Variants in DPP10 observed in about 807,000 individuals in gnomAD.
DPP10 encodes inactive dipeptidyl peptidase 10.
Under a neutral mutation model 120.9 loss-of-function variants are expected in DPP10, and 33 were observed. That is an observed-to-expected ratio of 0.27 (90% confidence interval 0.21 to 0.37). The LOEUF (loss-of-function observed/expected upper bound fraction) is 0.37. Among genes scored for constraint, DPP10 ranks in the 10% least tolerant of loss-of-function variants. The probability of loss-of-function intolerance (pLI) is 1.00; values close to 1 mark genes in which losing one functional copy is unlikely to be tolerated. For synonymous variants in DPP10, 337 were observed against 326.1 expected, an observed-to-expected ratio of 1.03 and a Z score of -0.36; for missense variants, 816 against 942.8, an observed-to-expected ratio of 0.87 and a Z score of 1.76.
intron 1 of DPP10, among the ~76,000 whole-genome samples, chr2:115,061,947 T>A (rs1706443166): frequency 6.6e-6 from 1 of 152,088 alleles, no homozygotes; most frequent in Non-Finnish European, 1.5e-5. Flanking sequence ...TTAAAATTGT[T>A]TTTTTTCCCT....
intron 5 of DPP10, among the ~76,000 whole-genome samples, chr2:115,532,432 T>G (rs2078526714): frequency 6.6e-6 from 1 of 152,076 alleles, no homozygotes; most frequent in Non-Finnish European, 1.5e-5. Flanking sequence ...TAACTGTGTA[T>G]TTTCCTATTT....
chr2:115,718,850 A>G (rs563595127), intron 7 of DPP10, among the ~76,000 whole-genome samples: 1 of 152,282 alleles, frequency 6.6e-6, no homozygotes, highest in South Asian at 2.1e-4. Context: ...GAAAAGTGAA[A>G]AAGGAGAAAG....
chr2:115,247,063 A>T (rs569269501), intron 1 of DPP10, among the ~76,000 whole-genome samples: 19 of 152,276 alleles, frequency 1.2e-4, no homozygotes, highest in African/African-American at 4.1e-4. Flanking sequence ...ATGAGGAGAA[A>T]TGCTTACATT....
intron 1 of DPP10, among the ~76,000 whole-genome samples, chr2:114,798,638 C>A (rs1683918442): frequency 6.6e-6 from 1 of 151,942 alleles, no homozygotes; most frequent in African/African-American, 2.4e-5. Context: ...GGGCAGGCAC[C>A]CTTAAAGGGC....
At chr2:115,001,362 A>G (rs1413977043) in intron 1 of DPP10, among the ~76,000 whole-genome samples, 2 of 152,356 alleles carry the variant, frequency 1.3e-5, no homozygotes, top group East Asian at 3.9e-4. Context: ...TCATGTTAAG[A>G]GCCCTCAATA....
At chr2:114,978,807 G>A (rs1017951923) in intron 1 of DPP10, among the ~76,000 whole-genome samples, 3 of 152,014 alleles carry the variant, frequency 2.0e-5, no homozygotes, top group Admixed American at 6.6e-5. Context: ...CTCACTAAAG[G>A]CAAATACTTT....
intron 1 of DPP10, among the ~76,000 whole-genome samples, chr2:114,713,644 A>G (rs549466739): frequency 2.0e-5 from 3 of 152,248 alleles, no homozygotes; most frequent in Middle Eastern, 3.4e-3. Context: ...CACTCAAGAA[A>G]TGTTTGCTTG....
At chr2:115,189,385 T>C (rs1186308733) in intron 1 of DPP10, among the ~76,000 whole-genome samples, 1 of 152,078 alleles carries the variant, frequency 6.6e-6, no homozygotes, top group Non-Finnish European at 1.5e-5. Flanking sequence ...AAGGGGTGAC[T>C]CAGGTCAAAG....
At chr2:114,581,582 C>A (rs1690531629) in intron 1 of DPP10, among the ~76,000 whole-genome samples, 2 of 152,148 alleles carry the variant, frequency 1.3e-5, no homozygotes, top group African/African-American at 4.8e-5. Flanking sequence ...CCAGGTTTTT[C>A]TGTGTTAAGC....
At chr2:115,260,624 G>C (rs2059210889) in intron 1 of DPP10, among the ~76,000 whole-genome samples, 1 of 152,132 alleles carries the variant, frequency 6.6e-6, no homozygotes, top group Non-Finnish European at 1.5e-5. Context: ...TTAAATTTTA[G>C]AAAACTGGAC....
At chr2:115,169,860 A>T (rs934729370) in intron 1 of DPP10, among the ~76,000 whole-genome samples, 1 of 152,206 alleles carries the variant, frequency 6.6e-6, no homozygotes, top group African/African-American at 2.4e-5. Context: ...TCAGATTATA[A>T]AAGATAGCAA....
chr2:114,886,109 A>G lies in DPP10; in HGVS notation c.61-423130A>G, dbSNP rs180912948. Among the ~76,000 whole-genome samples, 252 of 152,330 alleles carry G rather than the reference A, an allele frequency of 1.7e-3. 3 individuals carry two copies. The South Asian group carries it at 0.022, about 13-fold the overall frequency. On this transcript the variant is annotated intron_variant, in intron 1 of 25. Transcript: ENST00000410059. Reference sequence around the variant, plus strand: ...AATGATCTTACTTTTGGACAAATTTAAAACAACACTGAGGGGAGATGAAAT... The same window carrying G: ...AATGATCTTACTTTTGGACAAATTTGAAACAACACTGAGGGGAGATGAAAT...
At chr2:115,154,034 A>G (rs2051736794) in intron 1 of DPP10, among the ~76,000 whole-genome samples, 2 of 152,216 alleles carry the variant, frequency 1.3e-5, no homozygotes, top group Admixed American at 1.3e-4. Context: ...GAGGATGTAA[A>G]GCAAAAATAA....
At chr2:115,730,821 A>G (rs1272923566) in intron 8 of DPP10, among the ~76,000 whole-genome samples, 1 of 152,176 alleles carries the variant, frequency 6.6e-6, no homozygotes, top group East Asian at 1.9e-4. Context: ...GGAAAGGAAA[A>G]AGTATAGTTT....
intron 3 of DPP10, among the ~76,000 whole-genome samples, chr2:115,445,178 G>GAA (rs750111116): frequency 5.9e-5 from 9 of 152,166 alleles, no homozygotes; most frequent in Non-Finnish European, 1.0e-4. Flanking sequence ...CAGCCATGCA[G>GAA]AACTGTGAGT....
rs949516706 is a variant in DPP10, at chr2:115,703,065, C to T, written c.576+13144C>T. ...AGTATACTTATCTATAATTGTATCACGAAGAATGGAATAATTTCAAAAATC... is the reference window on the plus strand; with the variant it reads ...AGTATACTTATCTATAATTGTATCATGAAGAATGGAATAATTTCAAAAATC... On this transcript the variant is annotated intron_variant, in intron 7 of 25. Coordinates refer to ENST00000410059, the MANE Select transcript of DPP10 (RefSeq NM_020868.6). 1.1e-4 allele frequency among the ~76,000 whole-genome samples: 16 copies of T among 151,646 alleles called. 1 individual carries two copies. Among genetic ancestry groups the T allele is most frequent in the African/African-American group, 3.1e-4 (13 of 41,280 alleles).
At chr2:114,698,304 G>A (rs538128906) in intron 1 of DPP10, among the ~76,000 whole-genome samples, 1 of 152,126 alleles carries the variant, frequency 6.6e-6, no homozygotes, top group South Asian at 2.1e-4. Flanking sequence ...CTTGCCTGGA[G>A]CTAGGAGAAT....
In DPP10 at chr2:114,964,279, A is replaced by G. The variant is rs72943797; in HGVS notation, c.61-344960A>G. 5.1e-3 allele frequency among the ~76,000 whole-genome samples: 778 copies of G among 152,284 alleles called. 7 individuals are homozygous for G. The highest frequency in any genetic ancestry group is 0.017 in the African/African-American group (725 of 41,544). ...TCTTCTTTTCTTACATTCAACAAAT[A>G]TTTCATGAGCATCTAGCATGTACCA... On this transcript the variant is annotated intron_variant, in intron 1 of 25. Coordinates refer to ENST00000410059, the MANE Select transcript of DPP10 (RefSeq NM_020868.6).
At chr2:114,719,510 G>A (rs933762267) in intron 1 of DPP10, among the ~76,000 whole-genome samples, 5 of 152,138 alleles carry the variant, frequency 3.3e-5, no homozygotes, top group South Asian at 2.1e-4. Flanking sequence ...TTGCATGCAG[G>A]TAGATGCTTG....
Sources: gnomAD v4.1 joint callset for allele counts (sites outside exome capture counted in the v4.1 genomes callset) on GRCh38, gnomAD v4.1.1 for gene constraint, MANE v1.5 for transcripts, NCBI Gene and HGNC (gene_info 2026-07-23, HGNC 2026-07-21) for gene names.